Variants in ATP5F1A observed in about 807,000 individuals in gnomAD.
ATP5F1A encodes the protein ATP synthase F1 subunit alpha, also known as ATP synthase F(1) complex subunit alpha, mitochondrial.
Under a neutral mutation model 57.4 loss-of-function variants are expected in ATP5F1A, and 24 were observed. The ratio of observed to expected loss-of-function variants is 0.42; its 90% CI spans 0.30 to 0.59. The LOEUF is 0.59. ATP5F1A is among the 20% of genes least tolerant of loss of function. The probability of loss-of-function intolerance (pLI) is 0.19; values close to 1 mark genes in which losing one functional copy is unlikely to be tolerated. For missense variants in ATP5F1A, 494 were observed against 707.9 expected (o/e 0.70, Z 3.43); for synonymous variants, 251 against 255.5 (o/e 0.98, Z 0.17).
intron 3 of ATP5F1A, among the ~76,000 whole-genome samples, chr18:46,090,818 T>A (rs181135166): frequency 1.3e-5 from 2 of 152,330 alleles, no homozygotes; most frequent in East Asian, 3.9e-4. Flanking sequence ...GTATAGTAGG[T>A]ACCATATTAA....
intron 2 of ATP5F1A, 28 bp downstream of exon 2, chr18:46,095,025 C>G (rs369713479): frequency 6.3e-7 from 1 of 1,587,918 alleles, no homozygotes; most frequent in South Asian, 1.2e-5. Context: ...CTAGTAAGTG[C>G]GGCGTAGACT....
At chr18:46,089,368 C>G (rs943187356) in intron 5 of ATP5F1A, 198 bp downstream of exon 5, 2 of 623,484 alleles carry the variant, frequency 3.2e-6, no homozygotes, top group Admixed American at 3.2e-5. Flanking sequence ...ACCGACTGAG[C>G]TAGCTCGTCC....
At position 46,092,100 on chromosome 18, in the gene ATP5F1A, C is replaced by A. The variant is rs2852363; in HGVS notation, c.140-249G>T. 0.092 allele frequency: 18,789 copies of A among 203,594 alleles called. 1,461 individuals are homozygous for A. The highest frequency in any genetic ancestry group is 0.41 in the East Asian group (3,445 of 8,306). The allele number at this position is 203,594 out of a possible 1,614,324, so 12.6% of individuals were successfully genotyped here. A position where few individuals can be genotyped will look rare whatever the true frequency, so the allele number is the denominator to read the frequency against. ...GCTGAGGCAGAAGAATCGCTTGAAC[C>A]CAGGAGGCGGAGGTTGCGGTGAGCT... On this transcript the variant is annotated intron_variant, in intron 2 of 11. Coordinates refer to ENST00000398752, the MANE Select transcript of ATP5F1A (RefSeq NM_004046.6).
chr18:46,082,809 G>C lies in ATP5F1A; in HGVS notation c.*1473C>G, dbSNP rs1909837257. 1 of 151,608 alleles carries C rather than the reference G, an allele frequency of 6.6e-6. No homozygotes were observed. The highest frequency in any genetic ancestry group is 2.4e-5 in the African/African-American group (1 of 41,274). 9.4% of individuals were successfully genotyped at this position (151,608 alleles called of 1,614,324 possible). ...CTCACACCTGTAATCCCAGCACTTTGGGAAGCTGAGGCGGGCAGACCACGA... is the reference window on the plus strand; with the variant it reads ...CTCACACCTGTAATCCCAGCACTTTCGGAAGCTGAGGCGGGCAGACCACGA... On this transcript the variant is annotated 3_prime_UTR_variant, in exon 12 of 12. Transcript: ENST00000398752.
Position 46,089,834 on chromosome 18 carries a change from T to C in ATP5F1A, c.472A>G (p.Ile158Val), listed in dbSNP as rs372567729. Residue 158 changes from isoleucine (I) to valine (V), a missense_variant, in exon 4 of 12, where the codon ATT (isoleucine) becomes GTT (valine). Physicochemically the swap from Ile to Val is conservative, Grantham distance 29 (BLOSUM62 3). Transcript: ENST00000398752. ...AACATTAAACCTACCTTTCCATCAA[T>C]AGCATTACCAAGGGCATCAACTACA... is the stretch of plus-strand genomic sequence containing the variant. ...GRVVDALGNAIDGKGPIGSKT... is the reference protein window; with the variant it reads ...GRVVDALGNAVDGKGPIGSKT... 1.8e-5 allele frequency: 29 copies of C among 1,611,038 alleles called. No individual in the cohort carries two copies. Among genetic ancestry groups the C allele is most frequent in the Middle Eastern group, 1.7e-4 (1 of 6,054 alleles).
At chr18:46,103,329 C>CG (rs35532408) in intron 1 of ATP5F1A, among the ~76,000 whole-genome samples, 48,848 of 151,054 alleles carry the variant, frequency 0.32, 8,986 homozygotes, top group Middle Eastern at 0.49. Flanking sequence ...AAGAAAAGGT[C>CG]GGGCGCAGTG....
chr18:46,098,165 T>G lies in ATP5F1A; in HGVS notation c.60+7A>C. The G allele has an allele frequency of 6.2e-7, 1 of 1,602,160 alleles. No homozygotes were observed. The highest frequency in any genetic ancestry group is 8.5e-7 in the Non-Finnish European group (1 of 1,177,712). On this transcript the variant is annotated splice_region_variant and intron_variant, in intron 1 of 11. Transcript: ENST00000398752. Reference sequence around the variant, plus strand: ...CCGCCTGCATCATGCCGGCCTTCGGTGCTCACCAGTCCGGCCCGCCGAGGA... The same window carrying G: ...CCGCCTGCATCATGCCGGCCTTCGGGGCTCACCAGTCCGGCCCGCCGAGGA...
At chr18:46,098,533 G>T, upstream of ATP5F1A, 1 of 523,172 alleles carries the variant, frequency 1.9e-6, no homozygotes, top group Non-Finnish European at 2.5e-6. Flanking sequence ...CCTTGTGGTT[G>T]CCCCGGGTGA....
chr18:46,094,968 AAAACAAC>A, intron 2 of ATP5F1A, 78 bp downstream of exon 2: 1 of 1,433,054 alleles, frequency 7.0e-7, no homozygotes, highest in Non-Finnish European at 9.2e-7. Context: ...TAACAAATGA[AAAACAAC>A]TCACCACAGT....
intron 2 of ATP5F1A, chr18:46,093,396 C>CTA (rs1314615867): frequency 2.7e-5 from 4 of 150,664 alleles, no homozygotes; most frequent in Non-Finnish European, 5.9e-5. Flanking sequence ...AATTAGCCAG[C>CTA]TGTGGTGGTG....
chr18:46,098,362 A>AAACCCCCCCCCCCCCCC (rs1555696620), upstream of ATP5F1A: 1 of 1,192,938 alleles, frequency 8.4e-7, no homozygotes. Context: ...CCTCGCGTTC[A>AAACCCCCCCCCCCCCCC]CCACCTCTCC....
rs768820590 is a variant in ATP5F1A at position 46,098,100 on chromosome 18, C to G, written c.60+72G>C. 12 of 1,520,616 alleles carry G rather than the reference C, an allele frequency of 7.9e-6. No individual in the cohort carries two copies. The African/African-American group carries it at 1.2e-4, about 16-fold the overall frequency. 94.2% of individuals were successfully genotyped at this position (1,520,616 alleles called of 1,614,324 possible). ...CAGCCCCTCGCCCTCCTGCAGAGAG[C>G]GCCCGAGCCGGCGCACCACCACCCT... On this transcript the variant is annotated intron_variant, in intron 1 of 11. Coordinates refer to ENST00000398752, the MANE Select transcript of ATP5F1A (RefSeq NM_004046.6).
At chr18:46,089,345 A>G in intron 5 of ATP5F1A, 1 of 521,294 alleles carries the variant, frequency 1.9e-6, no homozygotes, top group East Asian at 3.4e-5. Flanking sequence ...TGGGATTAAG[A>G]GTCCCATGCT....
chr18:46,100,899 C>T (rs1168235281), upstream of ATP5F1A, among the ~76,000 whole-genome samples: 2 of 151,866 alleles, frequency 1.3e-5, no homozygotes, highest in South Asian at 2.1e-4. Flanking sequence ...ATGATGAAAC[C>T]CCGTCTCTGC....
At chr18:46,103,557 G>A (rs575788124) in intron 1 of ATP5F1A, among the ~76,000 whole-genome samples, 13 of 137,654 alleles carry the variant, frequency 9.4e-5, no homozygotes, top group African/African-American at 1.7e-4. Context: ...GCTGAGAGCC[G>A]AGAGCCGAGA....
chr18:46,081,697 A>AAAAAAAAAAAAAAAAAT lies in ATP5F1A; in HGVS notation c.*2584_*2585insATTTTTTTTTTTTTTTT, dbSNP rs1909764523. ...ACAAAAAAAAAAAAAAAAAAAAAAA[A>AAAAAAAAAAAAAAAAAT]CGAAATGTGCAGAACCTTCTAACTA... On this transcript the variant is annotated 3_prime_UTR_variant, in exon 12 of 12. Transcript: ENST00000398752. 6.9e-6 allele frequency: 1 copy of AAAAAAAAAAAAAAAAAT among 145,606 alleles called. No individual in the cohort carries two copies. The allele number at this position is 145,606 out of a possible 1,614,324, so 9.0% of individuals were successfully genotyped here.
chr18:46,093,114 A>C (rs1910683276), intron 2 of ATP5F1A: 1 of 152,126 alleles, frequency 6.6e-6, no homozygotes, highest in Admixed American at 6.5e-5. Flanking sequence ...GCCCCACTGC[A>C]CTCCAGCCTG....
At chr18:46,100,864 G>C (rs1434786090), upstream of ATP5F1A, among the ~76,000 whole-genome samples, 1 of 152,150 alleles carries the variant, frequency 6.6e-6, no homozygotes, top group Non-Finnish European at 1.5e-5. Context: ...CCTGAGGTCA[G>C]GAGTTCAAGA....
intron 2 of ATP5F1A, among the ~76,000 whole-genome samples, chr18:46,093,885 T>G (rs1910743797): frequency 6.6e-6 from 1 of 151,988 alleles, no homozygotes; most frequent in Non-Finnish European, 1.5e-5. Context: ...GGCAGGTGGA[T>G]CACCTGAGGT....
Sources: allele counts gnomAD v4.1 joint callset (sites outside exome capture counted in the v4.1 genomes callset), GRCh38; gene constraint gnomAD v4.1.1; transcripts MANE v1.5; gene names NCBI Gene and HGNC (gene_info 2026-07-23, HGNC 2026-07-21).